The following BCO2 variants were observed in gnomAD, a reference collection of about 807,000 sequenced individuals.
BCO2 encodes the protein carotenoid-cleaving dioxygenase, mitochondrial.
Under a neutral mutation model 65.8 loss-of-function variants are expected in BCO2, and 56 were observed. That is an observed-to-expected ratio of 0.85 (90% CI 0.69 to 1.06). The LOEUF (loss-of-function observed/expected upper bound fraction) is 1.06. Ranked by LOEUF, BCO2 falls within the 50% of genes least tolerant of loss-of-function variation. The pLI, the probability that BCO2 is intolerant of heterozygous loss-of-function variation, is 0.00. For synonymous variants in BCO2, 233 were observed against 242.3 expected (o/e 0.96, Z 0.36); for missense variants, 675 against 698.5 (o/e 0.97, Z 0.38).
In BCO2 at chr11:112,193,479, A is replaced by G. The variant is rs1867461214; in HGVS notation, c.299A>G (p.Asn100Ser). 6.2e-7 allele frequency: 1 copy of G among 1,613,896 alleles called. No individual in the cohort carries two copies. The highest frequency in any genetic ancestry group is 8.5e-7 in the Non-Finnish European group (1 of 1,179,878). ...GKFEFGKDKY[N>S]HWFDGMALLH... ...TTATTTTCTCCTGTTTGAAGGTACA[A>G]TCATTGGTTTGATGGGATGGCGCTG... The change falls in exon 3 of 12, where the codon AAT (asparagine) becomes AGT (serine). Residue 100 changes from asparagine (N) to serine (S), a missense_variant. Coordinates refer to ENST00000357685, the MANE Select transcript of BCO2 (RefSeq NM_031938.7).
Position 112,179,473 on chromosome 11 carries a change from G to A in BCO2, c.284G>A (p.Gly95Glu). 1.2e-6 allele frequency: 2 copies of A among 1,613,922 alleles called. No homozygotes were observed. Among genetic ancestry groups the A allele is most frequent in the Non-Finnish European group, 1.7e-6 (2 of 1,179,898 alleles). Residue 95 changes from glycine to glutamate, a missense_variant, in exon 2 of 12, where the codon GGG (glycine) becomes GAG (glutamate). Transcript: ENST00000357685. The part of the protein sequence containing the change: ...LRIGPGKFEF[G>E]KDKYNHWFDG... ...ATTGGACCTGGGAAATTCGAGTTTG[G>A]GAAGGATAAGTAAGCCTTGATTTTG...
chr11:112,188,981 T>A (rs1867289891), intron 2 of BCO2, among the ~76,000 whole-genome samples: 1 of 152,138 alleles, frequency 6.6e-6, no homozygotes, highest in Non-Finnish European at 1.5e-5. Context: ...ATTGTAAGTT[T>A]TTTTGAAAAA....
chr11:112,175,634 G>A lies in BCO2; in HGVS notation c.33G>A (p.Arg11=). The part of the protein sequence containing the change: MFFRVFLHFI[R]SHSATAVDFL... ...TTCGAGTCTTTCTCCATTTTATCAG[G>A]AGTCATTCTGCCACTGCAGTGGATT... The change falls in exon 1 of 12, where the codon AGG becomes AGA. Residue 11 remains arginine, a synonymous_variant. Transcript: ENST00000357685. The A allele has an allele frequency of 1.2e-6, 2 of 1,614,066 alleles. No homozygotes were observed. The highest frequency in any genetic ancestry group is 4.5e-5 in the East Asian group (2 of 44,876).
chr11:112,203,924 G>A (rs996843376), intron 8 of BCO2, among the ~76,000 whole-genome samples: 10 of 151,644 alleles, frequency 6.6e-5, no homozygotes, highest in Non-Finnish European at 1.2e-4. Flanking sequence ...GCGCGATCTC[G>A]GCTTACTGCA....
chr11:112,194,850 A>G (rs943648700), intron 5 of BCO2, 95 bp downstream of exon 5: 25 of 784,024 alleles, frequency 3.2e-5, no homozygotes, highest in Non-Finnish European at 4.7e-5. Context: ...TTACTGGCAC[A>G]AGTAGAGAGA....
At chr11:112,180,815 G>C (rs556240448) in intron 2 of BCO2, 115 of 1,047,350 alleles carry the variant, frequency 1.1e-4, no homozygotes, top group Non-Finnish European at 1.4e-5. Flanking sequence ...CCCCAAGAAC[G>C]GAAAGGTAGT....
chr11:112,217,776 A>C lies in BCO2; in HGVS notation c.1642A>C (p.Ile548Leu), dbSNP rs2217401. 1 allele frequency: 1,606,701 copies of C among 1,611,360 alleles called. 801,126 individuals carry two copies. Among genetic ancestry groups the C allele is most frequent in the East Asian group, 1 (44,882 of 44,882 alleles). ...ITPNQNESNF[I>L]LVLDAKNFEE... Reference sequence around the variant, plus strand: ...TCTTTTCTAGAATGAAAGCAATTTTATCCTAGTTTTGGATGCCAAGAACTT... The same window carrying C: ...TCTTTTCTAGAATGAAAGCAATTTTCTCCTAGTTTTGGATGCCAAGAACTT... The change falls in exon 12 of 12, where the codon ATC (isoleucine) becomes CTC (leucine). Residue 548 changes from isoleucine to leucine, a missense_variant. Ile to Leu is a conservative substitution (Grantham distance 5). Coordinates refer to ENST00000357685, the MANE Select transcript of BCO2 (RefSeq NM_031938.7).
intron 11 of BCO2, 125 bp from the exon 12 acceptor site, chr11:112,217,636 C>T: frequency 1.6e-6 from 1 of 639,648 alleles, no homozygotes; most frequent in Admixed American, 2.7e-5. Context: ...GCTAGGATTA[C>T]AGGTGTGAGC....
At chr11:112,180,765 G>C in intron 2 of BCO2, 1 of 940,110 alleles carries the variant, frequency 1.1e-6, no homozygotes, top group Non-Finnish European at 1.8e-6. Context: ...CCCAGTGGGG[G>C]CAGCGTGATG....
chr11:112,209,914 A>AT (rs1859460369), intron 8 of BCO2, among the ~76,000 whole-genome samples: 1 of 151,346 alleles, frequency 6.6e-6, no homozygotes. Context: ...TTGCCCTTTA[A>AT]TTTTTTTCTT....
intron 7 of BCO2, among the ~76,000 whole-genome samples, chr11:112,201,360 G>A (rs555160894): frequency 9.1e-4 from 139 of 152,188 alleles, no homozygotes; most frequent in Middle Eastern, 3.4e-3. Flanking sequence ...ATATTGGCCA[G>A]GATGGTCTCG....
At chr11:112,181,424 G>A (rs549851863) in intron 2 of BCO2, 96 of 606,362 alleles carry the variant, frequency 1.6e-4, no homozygotes, top group South Asian at 3.0e-4. Flanking sequence ...CTCGTGATCC[G>A]CCCGCCTCGG....
intron 2 of BCO2, among the ~76,000 whole-genome samples, chr11:112,180,262 T>C (rs1404019957): frequency 6.6e-6 from 1 of 152,238 alleles, no homozygotes; most frequent in Non-Finnish European, 1.5e-5. Flanking sequence ...GGCATTTTTT[T>C]CCCACAATAT....
At chr11:112,187,635 A>G (rs1320873542) in intron 2 of BCO2, among the ~76,000 whole-genome samples, 2 of 152,036 alleles carry the variant, frequency 1.3e-5, no homozygotes, top group African/African-American at 4.8e-5. Flanking sequence ...GAACTCCTTC[A>G]GCTTCCCTCT....
intron 8 of BCO2, among the ~76,000 whole-genome samples, chr11:112,211,252 G>A (rs1227669068): frequency 6.6e-6 from 1 of 151,442 alleles, no homozygotes; most frequent in Non-Finnish European, 1.5e-5. Flanking sequence ...TGTTTTCAAA[G>A]TTCATCTATG....
At chr11:112,200,562 A>G in intron 6 of BCO2, 51 bp from the exon 7 acceptor site, 1 of 1,526,398 alleles carries the variant, frequency 6.6e-7, no homozygotes. Context: ...CACATTTCAG[A>G]CAACTCTAGT....
At chr11:112,195,492 G>T (rs985149071) in intron 5 of BCO2, among the ~76,000 whole-genome samples, 2 of 151,340 alleles carry the variant, frequency 1.3e-5, no homozygotes, top group Non-Finnish European at 2.9e-5. Flanking sequence ...GCCCAGGCTG[G>T]AATGCCGTGG....
At chr11:112,216,373 C>T in intron 11 of BCO2, 43 bp downstream of exon 11, 1 of 1,422,034 alleles carries the variant, frequency 7.0e-7, no homozygotes, top group East Asian at 2.3e-5. Context: ...AAAAGTAGCA[C>T]TGAGTCATCT....
chr11:112,192,335 G>A (rs549008694), intron 2 of BCO2, among the ~76,000 whole-genome samples: 1 of 152,140 alleles, frequency 6.6e-6, no homozygotes, highest in East Asian at 1.9e-4. Flanking sequence ...TTACCTCTTA[G>A]GGTCTTCAGC....
Sources: allele counts gnomAD v4.1 joint callset (sites outside exome capture counted in the v4.1 genomes callset), GRCh38; gene constraint gnomAD v4.1.1; transcripts MANE v1.5; gene names NCBI Gene and HGNC (gene_info 2026-07-23, HGNC 2026-07-21).